SRP72: variants seen among roughly 807,000 people sequenced by gnomAD.
The protein encoded by SRP72 is signal recognition particle subunit SRP72.
SRP72 carries 49 observed loss-of-function variants against 96.3 expected under a neutral mutation model. The ratio of observed to expected loss-of-function variants is 0.51; its 90% confidence interval spans 0.40 to 0.65. The LOEUF (loss-of-function observed/expected upper bound fraction) is 0.65. Among genes scored for constraint, SRP72 ranks in the 30% least tolerant of loss-of-function variants. The pLI is 0.00. For synonymous variants in SRP72, 267 were observed against 275.2 expected (o/e 0.97, Z 0.30); for missense variants, 736 against 793.3 (o/e 0.93, Z 0.87).
intron 1 of SRP72, among the ~76,000 whole-genome samples, chr4:56,468,079 C>A (rs551797986): frequency 6.6e-6 from 1 of 152,242 alleles, no homozygotes; most frequent in African/African-American, 2.4e-5. Context: ...TGCTTTATTT[C>A]ACAAATATTC....
chr4:56,477,299 C>CTTTTTTTTTTTTTTTTTT (rs1720276211), intron 6 of SRP72: 1 of 97,302 alleles, frequency 1.0e-5, no homozygotes, highest in African/African-American at 3.8e-5. Context: ...CTCTCTCTCT[C>CTTTTTTTTTTTTTTTTTT]TCTTTTTTTT....
chr4:56,482,740 C>G (rs1423472315), intron 8 of SRP72, among the ~76,000 whole-genome samples: 1 of 152,178 alleles, frequency 6.6e-6, no homozygotes, highest in African/African-American at 2.4e-5. Flanking sequence ...TAATACACTT[C>G]AATTTGTGCT....
At position 56,486,295 on chromosome 4, in the gene SRP72, AT is replaced by A. The variant is rs547641102; in HGVS notation, c.1087-23del. 2.8e-4 allele frequency: 428 copies of A among 1,542,570 alleles called. No individual in the cohort carries two copies. In the East Asian group the frequency reaches 2.8e-3, roughly 10 times the overall value. ...CAATTAGTTGTGTAAATTAAATGTG[AT>A]TTTTTTCCCCCAAACTAAAAAAATT... is the stretch of plus-strand genomic sequence containing the variant. On this transcript the variant is annotated intron_variant, in intron 10 of 18. Coordinates refer to ENST00000642900, the MANE Select transcript of SRP72 (RefSeq NM_006947.4).
intron 5 of SRP72, 150 bp downstream of exon 5, chr4:56,474,541 T>A: frequency 1.4e-6 from 1 of 708,398 alleles, no homozygotes; most frequent in Non-Finnish European, 2.3e-6. Flanking sequence ...TCTTTCTCTC[T>A]CTTTTTTTTT....
In SRP72 at chr4:56,474,076, A is replaced by T; in HGVS notation, c.377A>T (p.Asp126Val). 1 of 1,613,988 alleles carries T rather than the reference A, an allele frequency of 6.2e-7. No homozygotes were observed. Among genetic ancestry groups the T allele is most frequent in the Non-Finnish European group, 8.5e-7 (1 of 1,179,974 alleles). ...CAGTTATACCGTTTGGAACGCTATG[A>T]TGAATGCTTAGCAGTGTATAGAGAT... ...GQVLYRLERYDECLAVYRDLV... is the reference protein window; with the variant it reads ...GQVLYRLERYVECLAVYRDLV... Residue 126 changes from aspartate (D) to valine (V), a missense_variant, in exon 4 of 19, where the codon GAT (aspartate) becomes GTT (valine). Asp to Val is a radical substitution (Grantham distance 152). Transcript: ENST00000642900.
At chr4:56,484,589 T>G in intron 9 of SRP72, 147 bp from the exon 10 acceptor site, 1 of 989,630 alleles carries the variant, frequency 1.0e-6, no homozygotes, top group Non-Finnish European at 1.5e-6. Context: ...TGAGAATAGA[T>G]ACTGTAAACT....
intron 13 of SRP72, 93 bp from the exon 14 acceptor site, chr4:56,490,240 A>G (rs1247780313): frequency 1.1e-5 from 10 of 889,352 alleles, no homozygotes; most frequent in Non-Finnish European, 1.6e-5. Flanking sequence ...TCTAATGCAT[A>G]GGTGTATTTC....
chr4:56,471,774 G>T lies in SRP72; in HGVS notation c.285G>T (p.Glu95Asp). ...AYCEYRLNRI[E>D]NALKTIESAN... ...GCGAGTACAGGCTGAACAGAATTGA[G>T]AATGCCTTGAAGACAATAGAAAGTG... Residue 95 changes from glutamate to aspartate, a missense_variant, in exon 3 of 19, where the codon GAG becomes GAT. Transcript: ENST00000642900. The T allele has an allele frequency of 1.2e-6, 2 of 1,614,060 alleles. No individual in the cohort carries two copies. Among genetic ancestry groups the T allele is most frequent in the Non-Finnish European group, 1.7e-6 (2 of 1,180,000 alleles).
chr4:56,474,330 A>G lies in SRP72; in HGVS notation c.549A>G (p.Ala183=), dbSNP rs780324072. 7.4e-6 allele frequency: 12 copies of G among 1,614,182 alleles called. No individual in the cohort carries two copies. Among genetic ancestry groups the G allele is most frequent in the South Asian group, 2.2e-5 (2 of 91,066 alleles). ...EGTHELCYNT[A]CALIGQGQLN... is the part of the protein sequence containing the mutation. Reference sequence around the variant, plus strand: ...CACATGAGCTGTGCTACAACACTGCATGTGCACTGATAGGCCAAGGCCAGC... The same window carrying G: ...CACATGAGCTGTGCTACAACACTGCGTGTGCACTGATAGGCCAAGGCCAGC... The change falls in exon 5 of 19, where the codon GCA becomes GCG. Residue 183 remains alanine (A), a synonymous_variant. Coordinates refer to ENST00000642900, the MANE Select transcript of SRP72 (RefSeq NM_006947.4).
intron 16 of SRP72, among the ~76,000 whole-genome samples, chr4:56,492,026 A>C (rs923321167): frequency 6.6e-6 from 1 of 152,132 alleles, no homozygotes; most frequent in African/African-American, 2.4e-5. Context: ...TTTAGTAGAG[A>C]CAGGGTTTCA....
chr4:56,481,420 T>C (rs1030136359), intron 8 of SRP72, among the ~76,000 whole-genome samples: 3 of 152,202 alleles, frequency 2.0e-5, no homozygotes, highest in African/African-American at 7.2e-5. Context: ...TCTCCCTTTT[T>C]TTGGAGATGT....
At chr4:56,478,707 G>C (rs1578182156) in intron 8 of SRP72, 58 bp downstream of exon 8, 1 of 1,544,336 alleles carries the variant, frequency 6.5e-7, no homozygotes, top group Non-Finnish European at 8.8e-7. Context: ...CATCACCCTA[G>C]TTTTAGTTTT....
In SRP72 at chr4:56,490,307, T is replaced by C. The variant is rs199850406; in HGVS notation, c.1321-26T>C. The C allele has an allele frequency of 2.6e-5, 42 of 1,591,826 alleles. No homozygotes were observed. The African/African-American group carries it at 3.9e-4, about 15-fold the overall frequency. On this transcript the variant is annotated intron_variant, in intron 13 of 18. Coordinates refer to ENST00000642900, the MANE Select transcript of SRP72 (RefSeq NM_006947.4). The stretch of plus-strand genomic sequence containing the variant: ...TTGCTAGATATTTAACTTGAAACTT[T>C]TTTTTTCTTTTTATTGAAACTGTAG...
At position 56,487,984 on chromosome 4, in the gene SRP72, A is replaced by G; in HGVS notation, c.1195A>G (p.Ile399Val). ...ISKACLILRS[I>V]EELKHKPGMV... is the part of the protein sequence containing the mutation. ...TAAAGCATGTCTAATATTGAGAAGC[A>G]TAGAGGAGTTAAAGCATAAACCAGG... is the stretch of plus-strand genomic sequence containing the variant. The change falls in exon 12 of 19, where the codon ATA (isoleucine) becomes GTA (valine). Residue 399 changes from isoleucine to valine, a missense_variant. Ile to Val is a conservative substitution (Grantham distance 29). Around this residue, in one of 3 missense-constraint regions of SRP72, gnomAD observed 388 missense variants for 431.8 expected, o/e 0.90. Coordinates refer to ENST00000642900, the MANE Select transcript of SRP72 (RefSeq NM_006947.4). 6.2e-7 allele frequency: 1 copy of G among 1,600,962 alleles called. No homozygotes were observed. The highest frequency in any genetic ancestry group is 8.5e-7 in the Non-Finnish European group (1 of 1,176,848).
At chr4:56,488,825 T>C (rs1473643742) in intron 12 of SRP72, among the ~76,000 whole-genome samples, 1 of 152,186 alleles carries the variant, frequency 6.6e-6, no homozygotes, top group Admixed American at 6.5e-5. Context: ...GATTAGCCTG[T>C]CCAGAGGTTT....
chr4:56,474,646 C>T lies in SRP72; in HGVS notation c.610+255C>T, dbSNP rs146077735. The T allele has an allele frequency of 5.2e-4, 275 of 527,294 alleles. 1 individual carries two copies. The highest frequency in any genetic ancestry group is 4.8e-3 in the African/African-American group (249 of 51,584). The allele number at this position is 527,294 out of a possible 1,614,324, so 32.7% of individuals were successfully genotyped here. A position where few individuals can be genotyped will look rare whatever the true frequency, so the allele number is the denominator to read the frequency against. On this transcript the variant is annotated intron_variant, in intron 5 of 18. Coordinates refer to ENST00000642900, the MANE Select transcript of SRP72 (RefSeq NM_006947.4). The stretch of plus-strand genomic sequence containing the variant: ...GCAACCTCTGTCTCCCGAGTTCAAG[C>T]AATTCTCCTGCCTCAGCCTCCCGAG...
At position 56,471,411 on chromosome 4, in the gene SRP72, A is replaced by G. The variant is rs556782865; in HGVS notation, c.231-309A>G. Among the ~76,000 whole-genome samples the G allele has an allele frequency of 2.0e-5, 3 of 152,372 alleles. No homozygotes were observed. In the South Asian group the frequency reaches 6.2e-4, roughly 32 times the overall value. On this transcript the variant is annotated intron_variant, in intron 2 of 18. Transcript: ENST00000642900. ...CAACCCATTTAACATCCTTCAGATT[A>G]TCTTTGTATCTAAGACAATTACTTA...
At chr4:56,488,069 T>G in intron 12 of SRP72, 56 bp downstream of exon 12, 1 of 1,201,610 alleles carries the variant, frequency 8.3e-7, no homozygotes, top group South Asian at 1.4e-5. Context: ...TTTGTATGTC[T>G]AATGTGTATT....
Position 56,502,577 on chromosome 4 carries a change from C to G in SRP72, c.*716C>G, listed in dbSNP as rs1319677365. 1 of 148,390 alleles carries G rather than the reference C, an allele frequency of 6.7e-6. No homozygotes were observed. Among genetic ancestry groups the G allele is most frequent in the African/African-American group, 2.5e-5 (1 of 40,246 alleles). 9.2% of individuals were successfully genotyped at this position (148,390 alleles called of 1,614,324 possible). On this transcript the variant is annotated 3_prime_UTR_variant, in exon 19 of 19. Transcript: ENST00000642900. The stretch of plus-strand genomic sequence containing the variant: ...GTCATTTTCAGATTATGGTAGCATG[C>G]TGATACAGCACCATGAAAGAACTCA...
Sources: allele counts gnomAD v4.1 joint callset (sites outside exome capture counted in the v4.1 genomes callset), GRCh38; gene constraint gnomAD v4.1.1; regional missense constraint gnomAD v4.1.1; transcripts MANE v1.5; gene names NCBI Gene and HGNC (gene_info 2026-07-23, HGNC 2026-07-21).